Variants in SCAPER observed in about 807,000 individuals in gnomAD.
SCAPER encodes S phase cyclin A-associated protein in the endoplasmic reticulum.
A neutral mutation model predicts 182.2 loss-of-function variants in SCAPER; 98 were observed. The observed-to-expected ratio is 0.54, with a 90% CI of 0.46 to 0.64. SCAPER has a LOEUF of 0.64. Among genes scored for constraint, SCAPER ranks in the 30% least tolerant of loss-of-function variants. The probability of loss-of-function intolerance (pLI) is 0.00; values close to 1 mark genes in which losing one functional copy is unlikely to be tolerated. For synonymous variants in SCAPER, 605 were observed against 564.6 expected (o/e 1.07, Z -1.01); for missense variants, 1,432 against 1,690.0 (o/e 0.85, Z 2.68).
chr15:76,660,407 A>G (rs543771053), intron 21 of SCAPER, among the ~76,000 whole-genome samples: 1 of 152,300 alleles, frequency 6.6e-6, no homozygotes, highest in East Asian at 1.9e-4. Flanking sequence ...TTAAAACAAT[A>G]ATAAACAAAT....
intron 23 of SCAPER, among the ~76,000 whole-genome samples, chr15:76,571,141 A>G (rs972488900): frequency 2.0e-5 from 3 of 152,160 alleles, no homozygotes; most frequent in African/African-American, 7.2e-5. Context: ...ACATTTGCCA[A>G]TCTGGCACAT....
intron 4 of SCAPER, among the ~76,000 whole-genome samples, chr15:76,857,551 C>A (rs1302738503): frequency 5.3e-5 from 8 of 151,782 alleles, no homozygotes; most frequent in Non-Finnish European, 1.2e-4. Flanking sequence ...CTTTTTGGAA[C>A]AAAACTTCAA....
Position 76,361,291 on chromosome 15 carries a change from A to C in SCAPER, c.3856-7151T>G, listed in dbSNP as rs8028310. The stretch of plus-strand genomic sequence containing the variant: ...GGAATTCAGTCAAGAACGTGAAAAG[A>C]AGCAAGCGGGCCTTTCAGCAGAGAG... On this transcript the variant is annotated intron_variant, in intron 29 of 31. Coordinates refer to ENST00000563290, the MANE Select transcript of SCAPER (RefSeq NM_020843.4). 5.7e-3 allele frequency among the ~76,000 whole-genome samples: 865 copies of C among 152,348 alleles called. 8 individuals carry two copies. Among genetic ancestry groups the C allele is most frequent in the African/African-American group, 0.02 (831 of 41,578 alleles).
intron 17 of SCAPER, among the ~76,000 whole-genome samples, chr15:76,710,462 A>G (rs1406550625): frequency 6.6e-6 from 1 of 152,148 alleles, no homozygotes; most frequent in Non-Finnish European, 1.5e-5. Context: ...AATGAAATAA[A>G]TTAAAATCTA....
At chr15:76,763,121 C>T (rs1177775356) in intron 14 of SCAPER, among the ~76,000 whole-genome samples, 1 of 152,132 alleles carries the variant, frequency 6.6e-6, no homozygotes, top group Admixed American at 6.5e-5. Flanking sequence ...TAAAGAACTC[C>T]ATTAGCATTT....
intron 29 of SCAPER, among the ~76,000 whole-genome samples, chr15:76,360,075 G>T (rs1423044808): frequency 6.6e-6 from 1 of 152,170 alleles, no homozygotes; most frequent in Non-Finnish European, 1.5e-5. Context: ...AGGAAATTAG[G>T]ATTACAATCC....
intron 8 of SCAPER, among the ~76,000 whole-genome samples, chr15:76,779,753 AC>A (rs1246055700): frequency 1.3e-5 from 2 of 152,116 alleles, no homozygotes; most frequent in Non-Finnish European, 2.9e-5. Context: ...TAAATGACTT[AC>A]CAAAATCTCT....
intron 26 of SCAPER, among the ~76,000 whole-genome samples, chr15:76,419,153 C>G (rs2045848775): frequency 6.6e-6 from 1 of 152,038 alleles, no homozygotes; most frequent in Non-Finnish European, 1.5e-5. Context: ...AAACTGTACA[C>G]AGACCATGCT....
chr15:76,813,237 A>AAAAAAAAAC (rs2066787682), intron 5 of SCAPER, among the ~76,000 whole-genome samples: 1 of 84,362 alleles, frequency 1.2e-5, no homozygotes, highest in African/African-American at 3.2e-5. Flanking sequence ...TAAAAAAAAA[A>AAAAAAAAAC]AAAAAAAAAA....
At chr15:76,674,986 T>TA (rs1434408765) in intron 20 of SCAPER, among the ~76,000 whole-genome samples, 1 of 152,076 alleles carries the variant, frequency 6.6e-6, no homozygotes, top group Non-Finnish European at 1.5e-5. Flanking sequence ...AAAACCTCCA[T>TA]AAAAAATAGC....
intron 22 of SCAPER, among the ~76,000 whole-genome samples, chr15:76,618,977 T>C (rs983912556): frequency 1.2e-4 from 19 of 152,172 alleles, no homozygotes; most frequent in African/African-American, 4.6e-4. Context: ...CCTGAGTAGC[T>C]GGGATTACAG....
At chr15:76,800,045 A>G (rs1159760106) in intron 7 of SCAPER, among the ~76,000 whole-genome samples, 1 of 151,650 alleles carries the variant, frequency 6.6e-6, no homozygotes, top group Admixed American at 6.6e-5. Flanking sequence ...GAACCTTAGC[A>G]GAAATTGATG....
Position 76,664,926 on chromosome 15 carries a change from G to A in SCAPER, c.2645+727C>T, listed in dbSNP as rs566081503. Among the ~76,000 whole-genome samples, 10 of 152,108 alleles carry A rather than the reference G, an allele frequency of 6.6e-5. 1 individual carries two copies. The highest frequency in any genetic ancestry group is 2.2e-4 in the African/African-American group (9 of 41,426). On this transcript the variant is annotated intron_variant, in intron 21 of 31. Coordinates refer to ENST00000563290, the MANE Select transcript of SCAPER (RefSeq NM_020843.4). ...ACTGCACTGTTCACTATTATTGTAC[G>A]TTCTATATTCCTATAATCCCATGGG...
chr15:76,480,537 A>C (rs2051026244), intron 24 of SCAPER, among the ~76,000 whole-genome samples: 1 of 152,204 alleles, frequency 6.6e-6, no homozygotes, highest in African/African-American at 2.4e-5. Flanking sequence ...ATTCTGTTAC[A>C]TAACCAGCCT....
At chr15:76,793,935 AGGACAACCAGCTG>A (rs1293548015) in intron 8 of SCAPER, among the ~76,000 whole-genome samples, 10 of 152,230 alleles carry the variant, frequency 6.6e-5, no homozygotes, top group Non-Finnish European at 1.5e-4. Flanking sequence ...ATTGAATTCG[AGGACAACCAGCTG>A]GTGTCTGCTG....
intron 21 of SCAPER, among the ~76,000 whole-genome samples, chr15:76,654,231 T>C (rs2055417263): frequency 1.3e-5 from 2 of 151,990 alleles, no homozygotes; most frequent in South Asian, 4.2e-4. Flanking sequence ...TAAAACTCTG[T>C]CTCTACTAAA....
Position 76,795,515 on chromosome 15 carries a change from A to C in SCAPER, c.612-75T>G, listed in dbSNP as rs1035054052. The C allele has an allele frequency of 1.5e-5, 18 of 1,180,672 alleles. No homozygotes were observed. In the African/African-American group the frequency reaches 2.5e-4, roughly 16 times the overall value. 73.1% of individuals were successfully genotyped at this position (1,180,672 alleles called of 1,614,324 possible). A position where few individuals can be genotyped will look rare whatever the true frequency, so the allele number is the denominator to read the frequency against. Reference sequence around the variant, plus strand: ...TTCTGAATATATGCTAAATGTATTTAAAATTTAAATTATGCATATGAATAT... The same window carrying C: ...TTCTGAATATATGCTAAATGTATTTCAAATTTAAATTATGCATATGAATAT... On this transcript the variant is annotated intron_variant, in intron 7 of 31. Coordinates refer to ENST00000563290, the MANE Select transcript of SCAPER (RefSeq NM_020843.4).
chr15:76,862,658 G>A, intron 2 of SCAPER, 125 bp from the exon 3 acceptor site: 1 of 554,602 alleles, frequency 1.8e-6, no homozygotes, highest in Non-Finnish European at 3.0e-6. Context: ...GGATGTGGTG[G>A]GTGGTTAAAC....
At chr15:76,904,117 A>C (rs1159226193) in intron 1 of SCAPER, among the ~76,000 whole-genome samples, 1 of 152,214 alleles carries the variant, frequency 6.6e-6, no homozygotes, top group Non-Finnish European at 1.5e-5. Flanking sequence ...TAACAGAAAT[A>C]ACAGAAGGGA....
Sources: gnomAD v4.1 joint callset for allele counts (sites outside exome capture counted in the v4.1 genomes callset) on GRCh38, gnomAD v4.1.1 for gene constraint, MANE v1.5 for transcripts, NCBI Gene and HGNC (gene_info 2026-07-23, HGNC 2026-07-21) for gene names.